The following AADACL4 variants were observed in gnomAD, a reference collection of about 807,000 sequenced individuals.
The protein encoded by AADACL4 is arylacetamide deacetylase-like 4.
In AADACL4, 9 loss-of-function variants were observed where a neutral mutation model predicts 14.1. The observed-to-expected ratio is 0.64, with a 90% CI of 0.39 to 1.12. AADACL4 has a LOEUF of 1.12. Ranked by LOEUF, AADACL4 falls within the 50% of genes most tolerant of loss-of-function variation. AADACL4 has a pLI of 0.01. For missense variants in AADACL4, 531 were observed against 516.1 expected (o/e 1.03, Z -0.28); for synonymous variants, 188 against 201.6 (o/e 0.93, Z 0.57).
chr1:12,654,817 C>T (rs528422992), intron 2 of AADACL4, among the ~76,000 whole-genome samples: 2 of 152,178 alleles, frequency 1.3e-5, no homozygotes, highest in Non-Finnish European at 2.9e-5. Context: ...GGTCCTAAGA[C>T]TAACCTTTGA....
intron 1 of AADACL4, among the ~76,000 whole-genome samples, chr1:12,647,164 G>T (rs1647117075): frequency 6.6e-6 from 1 of 151,222 alleles, no homozygotes; most frequent in African/African-American, 2.4e-5. Context: ...CGTGAACACG[G>T]CTCACTGCAG....
At chr1:12,661,642 G>A in intron 2 of AADACL4, 149 bp from the exon 3 acceptor site, 1 of 776,144 alleles carries the variant, frequency 1.3e-6, no homozygotes, top group Non-Finnish European at 2.2e-6. Context: ...CTGGTTTTTT[G>A]GCTCTGTCCA....
rs148386610 is a variant in AADACL4 at position 12,657,688 on chromosome 1, C to G, written c.386-4103C>G. 2.0e-3 allele frequency among the ~76,000 whole-genome samples: 310 copies of G among 152,284 alleles called. 1 individual carries two copies. The highest frequency in any genetic ancestry group is 7.0e-3 in the African/African-American group (289 of 41,544). ...AGGGGCGGAATATTCATGAAAATTC[C>G]TGGAAAATGGCGGAGTTTTCTCAGA... is the stretch of plus-strand genomic sequence containing the variant. On this transcript the variant is annotated intron_variant, in intron 2 of 3. Transcript: ENST00000376221.
chr1:12,651,548 T>A (rs1647148544), intron 2 of AADACL4, among the ~76,000 whole-genome samples: 1 of 152,172 alleles, frequency 6.6e-6, no homozygotes, highest in African/African-American at 2.4e-5. Context: ...TTTTCTTTAA[T>A]ATGATGGTCT....
chr1:12,651,226 A>T lies in AADACL4; in HGVS notation c.272A>T (p.Asp91Val). ...AAGGACCCTGAACTTGTGGTGACCGACCTGCGTTTTGGGACGATACCCGTG... is the reference window on the plus strand; with the variant it reads ...AAGGACCCTGAACTTGTGGTGACCGTCCTGCGTTTTGGGACGATACCCGTG... The part of the protein sequence containing the change: ...IKKDPELVVT[D>V]LRFGTIPVRL... The change falls in exon 2 of 4, where the codon GAC becomes GTC. Residue 91 changes from aspartate (D) to valine (V), a missense_variant. Asp to Val is a radical substitution (Grantham distance 152, BLOSUM62 -3). Coordinates refer to ENST00000376221, the MANE Select transcript of AADACL4 (RefSeq NM_001013630.2). 6.2e-7 allele frequency: 1 copy of T among 1,614,234 alleles called. No homozygotes were observed. Among genetic ancestry groups the T allele is most frequent in the Non-Finnish European group, 8.5e-7 (1 of 1,180,044 alleles).
At chr1:12,651,913 G>A (rs1364909095) in intron 2 of AADACL4, among the ~76,000 whole-genome samples, 2 of 149,266 alleles carry the variant, frequency 1.3e-5, no homozygotes, top group Non-Finnish European at 3.0e-5. Context: ...ACTGCAAGCT[G>A]CGCCTCTCGG....
At chr1:12,658,128 C>T (rs1248609969) in intron 2 of AADACL4, among the ~76,000 whole-genome samples, 7 of 121,544 alleles carry the variant, frequency 5.8e-5, no homozygotes, top group African/African-American at 2.4e-4. Context: ...TCCTTCCTTC[C>T]TTCCTTCCTT....
chr1:12,666,607 C>G lies in AADACL4; in HGVS notation c.1096C>G (p.Arg366Gly). The G allele has an allele frequency of 6.2e-7, 1 of 1,614,150 alleles. No individual in the cohort carries two copies. The highest frequency in any genetic ancestry group is 8.5e-7 in the Non-Finnish European group (1 of 1,180,038). Residue 366 changes from arginine to glycine, a missense_variant, in exon 4 of 4, where the codon CGC becomes GGC. By Grantham distance (125) the Arg-to-Gly change is moderately radical. Coordinates refer to ENST00000376221, the MANE Select transcript of AADACL4 (RefSeq NM_001013630.2). ...YKKRLEDQGV[R>G]VTWYHLYDGF... is the part of the protein sequence containing the mutation. Reference sequence around the variant, plus strand: ...GAAGCGCTTGGAGGACCAGGGGGTCCGCGTGACATGGTACCACCTGTATGA... The same window carrying G: ...GAAGCGCTTGGAGGACCAGGGGGTCGGCGTGACATGGTACCACCTGTATGA...
chr1:12,659,704 G>A (rs1647211833), intron 2 of AADACL4, among the ~76,000 whole-genome samples: 1 of 152,112 alleles, frequency 6.6e-6, no homozygotes, highest in African/African-American at 2.4e-5. Flanking sequence ...GTGCAGTGGC[G>A]TGATCACAGC....
intron 2 of AADACL4, among the ~76,000 whole-genome samples, chr1:12,660,865 A>G (rs1647221455): frequency 6.6e-6 from 1 of 152,000 alleles, no homozygotes; most frequent in African/African-American, 2.4e-5. Flanking sequence ...GTTGGTCTCA[A>G]ACTCCTGACC....
rs147353927 is a variant in AADACL4, at chr1:12,650,125, CA to C, written c.169-997del. 1.7e-4 allele frequency among the ~76,000 whole-genome samples: 26 copies of C among 152,310 alleles called. No homozygotes were observed. The East Asian group carries it at 4.0e-3, about 24-fold the overall frequency. On this transcript the variant is annotated intron_variant, in intron 1 of 3. Transcript: ENST00000376221. ...AAGTATCAGCTGTTCTTGTTCTTGT[CA>C]TTCTTATCATTCCTTGCTGTTTTCC...
intron 2 of AADACL4, among the ~76,000 whole-genome samples, chr1:12,651,859 C>T (rs915876223): frequency 4.8e-4 from 70 of 144,800 alleles, no homozygotes; most frequent in Non-Finnish European, 3.4e-4. Context: ...GATGGAGTCT[C>T]GCTCTGTCGC....
chr1:12,652,354 A>G (rs1539701), intron 2 of AADACL4, among the ~76,000 whole-genome samples: 20,277 of 151,842 alleles, frequency 0.13, 3,006 homozygotes, highest in African/African-American at 0.37. Flanking sequence ...CTCAAAAGAT[A>G]CCCTTCCCAC....
chr1:12,651,133 T>C lies in AADACL4; in HGVS notation c.179T>C (p.Phe60Ser), dbSNP rs1271319140. 3.1e-6 allele frequency: 5 copies of C among 1,614,018 alleles called. No homozygotes were observed. In the Admixed American group the frequency reaches 6.7e-5, roughly 22 times the overall value. ...TGTTACCTCCAACAGGGGAATATAT[T>C]TGAGAAGCTGGGAATTTGCTCCATG... ...FLYLVTLGNI[F>S]EKLGICSMPK... Residue 60 changes from phenylalanine to serine, a missense_variant, in exon 2 of 4, where the codon TTT (phenylalanine) becomes TCT (serine). By Grantham distance (155) the Phe-to-Ser change is radical. Coordinates refer to ENST00000376221, the MANE Select transcript of AADACL4 (RefSeq NM_001013630.2).
At chr1:12,652,754 T>C (rs1647157018) in intron 2 of AADACL4, among the ~76,000 whole-genome samples, 1 of 152,164 alleles carries the variant, frequency 6.6e-6, no homozygotes, top group South Asian at 2.1e-4. Flanking sequence ...GGTGTCCCCA[T>C]AACTGTCCTG....
rs1307862880 is a variant in AADACL4 at position 12,666,675 on chromosome 1, CTCTT to C, written c.1167_1170del (p.Phe390HisfsTer4). 4 of 1,613,858 alleles carry C rather than the reference CTCTT, an allele frequency of 2.5e-6. No individual in the cohort carries two copies. Among genetic ancestry groups the C allele is most frequent in the Non-Finnish European group, 3.4e-6 (4 of 1,180,030 alleles). The stretch of plus-strand genomic sequence containing the variant: ...TTATCTTTTTTGATAAGAAGGCTCT[CTCTT>C]TCCCATGTTCCCTGAAGATTGTGAA... On this transcript the variant is annotated frameshift_variant, in exon 4 of 4. Transcript: ENST00000376221. LOFTEE classifies it low-confidence loss of function (END_TRUNC).
chr1:12,651,438 G>A, intron 2 of AADACL4, 99 bp downstream of exon 2: 1 of 1,279,962 alleles, frequency 7.8e-7, no homozygotes, highest in Non-Finnish European at 1.1e-6. Context: ...TAGCTTAAAG[G>A]AATCAGTTGT....
chr1:12,657,814 G>T (rs1261565203), intron 2 of AADACL4, among the ~76,000 whole-genome samples: 1 of 152,114 alleles, frequency 6.6e-6, no homozygotes, highest in East Asian at 1.9e-4. Context: ...CATAGAAGGA[G>T]GTCCTAGGAG....
intron 1 of AADACL4, among the ~76,000 whole-genome samples, chr1:12,648,829 C>A (rs1207547112): frequency 1.3e-5 from 2 of 152,136 alleles, no homozygotes; most frequent in African/African-American, 2.4e-5. Context: ...GAAAACCAAA[C>A]CAAAACCAAA....
Sources: allele counts gnomAD v4.1 joint callset (sites outside exome capture counted in the v4.1 genomes callset), GRCh38; gene constraint gnomAD v4.1.1; transcripts MANE v1.5; gene names NCBI Gene and HGNC (gene_info 2026-07-23, HGNC 2026-07-21).